Variants in PACS1 observed in about 807,000 individuals in gnomAD.
The protein encoded by PACS1 is PACS-1.
A neutral mutation model predicts 115.0 loss-of-function variants in PACS1; 24 were observed. That is an observed-to-expected ratio of 0.21 (90% CI 0.15 to 0.29). The LOEUF (loss-of-function observed/expected upper bound fraction) is 0.29, where lower values mean the gene tolerates loss of function less well. Ranked by LOEUF, PACS1 falls within the 10% of genes least tolerant of loss-of-function variation. The pLI, the probability that PACS1 is intolerant of heterozygous loss-of-function variation, is 1.00. For missense variants in PACS1, 838 were observed against 1,251.2 expected, an observed-to-expected ratio of 0.67 and a Z score of 4.98; for synonymous variants, 453 against 504.5, an observed-to-expected ratio of 0.90 and a Z score of 1.37.
intron 1 of PACS1, among the ~76,000 whole-genome samples, chr11:66,074,736 C>T (rs749008311): frequency 6.6e-6 from 1 of 151,940 alleles, no homozygotes; most frequent in African/African-American, 2.4e-5. Flanking sequence ...TGGACAAAAG[C>T]GTTGGAATCA....
intron 13 of PACS1, chr11:66,231,790 G>A (rs1855600524): frequency 8.9e-6 from 2 of 225,726 alleles, no homozygotes; most frequent in Non-Finnish European, 1.8e-5. Context: ...CACTGCCCTC[G>A]TTTCTGTTTC....
intron 1 of PACS1, among the ~76,000 whole-genome samples, chr11:66,162,407 C>G (rs1859511859): frequency 6.6e-6 from 1 of 152,164 alleles, no homozygotes; most frequent in Non-Finnish European, 1.5e-5. Flanking sequence ...CAGGCCTGAG[C>G]CACCGCGCCT....
intron 1 of PACS1, among the ~76,000 whole-genome samples, chr11:66,159,362 G>A (rs1217551171): frequency 2.6e-5 from 4 of 152,126 alleles, no homozygotes; most frequent in Admixed American, 1.3e-4. Context: ...ACTTGAACCC[G>A]GGAGACGGAG....
Position 66,232,831 on chromosome 11 carries a change from C to T in PACS1, c.1732-129C>T, listed in dbSNP as rs939564021. ...AGTCCGGAGACCTGGCTGCCTTTGCCCAGCTTCGGTCTGAACTGCAGAGGA... is the reference window on the plus strand; with the variant it reads ...AGTCCGGAGACCTGGCTGCCTTTGCTCAGCTTCGGTCTGAACTGCAGAGGA... On this transcript the variant is annotated intron_variant, in intron 14 of 23. Coordinates refer to ENST00000320580, the MANE Select transcript of PACS1 (RefSeq NM_018026.4). 7.0e-6 allele frequency: 5 copies of T among 713,050 alleles called. No homozygotes were observed. In the African/African-American group the frequency reaches 7.0e-5, roughly 10 times the overall value. 44.2% of individuals were successfully genotyped at this position (713,050 alleles called of 1,614,324 possible).
chr11:66,158,291 T>A (rs1450852290), intron 1 of PACS1, among the ~76,000 whole-genome samples: 1 of 152,210 alleles, frequency 6.6e-6, no homozygotes, highest in Non-Finnish European at 1.5e-5. Context: ...AACAAATTCC[T>A]TAGAGATAAG....
intron 2 of PACS1, among the ~76,000 whole-genome samples, chr11:66,194,230 C>G (rs1854597937): frequency 6.6e-6 from 1 of 152,276 alleles, no homozygotes; most frequent in East Asian, 1.9e-4. Context: ...TCCCAAAGTG[C>G]TGGGATTACA....
intron 1 of PACS1, among the ~76,000 whole-genome samples, chr11:66,188,084 A>T (rs1854426419): frequency 1.5e-5 from 2 of 133,934 alleles, no homozygotes; most frequent in Non-Finnish European, 1.6e-5. Context: ...TTTTTTTTTT[A>T]TATGTTCGTT....
intron 1 of PACS1, among the ~76,000 whole-genome samples, chr11:66,139,758 A>G (rs1858936125): frequency 6.6e-6 from 1 of 152,162 alleles, no homozygotes; most frequent in Non-Finnish European, 1.5e-5. Context: ...TCATCTGTTG[A>G]TAGACACTTG....
chr11:66,219,794 G>A lies in PACS1; in HGVS notation c.1027G>A (p.Val343Ile), dbSNP rs1156306565. ...KFVALLKRFK[V>I]SDEVGFGLEH... The stretch of plus-strand genomic sequence containing the variant: ...TGTGGCCCTCCTGAAGCGGTTTAAA[G>A]TTTCAGATGAGGTATGGCCTCTTAC... Residue 343 changes from valine (V) to isoleucine (I), a missense_variant, in exon 8 of 24, where the codon GTT (valine) becomes ATT (isoleucine). Around this residue, in one of 6 missense-constraint regions of PACS1, gnomAD observed 223 missense variants for 354.0 expected, o/e 0.63. Coordinates refer to ENST00000320580, the MANE Select transcript of PACS1 (RefSeq NM_018026.4). 1.1e-5 allele frequency: 17 copies of A among 1,612,612 alleles called. No individual in the cohort carries two copies. Among genetic ancestry groups the A allele is most frequent in the Non-Finnish European group, 1.4e-5 (16 of 1,178,826 alleles).
intron 1 of PACS1, among the ~76,000 whole-genome samples, chr11:66,103,425 A>C (rs1164192663): frequency 6.6e-6 from 1 of 151,798 alleles, no homozygotes; most frequent in Non-Finnish European, 1.5e-5. Flanking sequence ...CTAGAGTTAC[A>C]TGTGGGGTAA....
At chr11:66,204,024 C>G (rs1228298445) in intron 2 of PACS1, among the ~76,000 whole-genome samples, 1 of 152,084 alleles carries the variant, frequency 6.6e-6, no homozygotes, top group East Asian at 1.9e-4. Flanking sequence ...CTGGCACTGG[C>G]AACCAAAGCA....
At chr11:66,232,938 C>G in intron 14 of PACS1, 22 bp from the exon 15 acceptor site, 2 of 1,572,476 alleles carry the variant, frequency 1.3e-6, no homozygotes, top group Middle Eastern at 3.3e-4. Context: ...TGTGTCCCTG[C>G]TCTCCTCCCT....
intron 1 of PACS1, among the ~76,000 whole-genome samples, chr11:66,161,687 G>A (rs1301957313): frequency 6.6e-6 from 1 of 152,054 alleles, no homozygotes; most frequent in Non-Finnish European, 1.5e-5. Context: ...AATTTCATTG[G>A]GACAATGAAT....
chr11:66,214,484 T>TTTCCTTCC (rs1011564983), intron 4 of PACS1, among the ~76,000 whole-genome samples: 1 of 151,922 alleles, frequency 6.6e-6, no homozygotes, highest in East Asian at 1.9e-4. Context: ...CAACCATTTC[T>TTTCCTTCC]TTCCTTCCTT....
At chr11:66,076,007 G>A (rs1388093632) in intron 1 of PACS1, among the ~76,000 whole-genome samples, 2 of 152,134 alleles carry the variant, frequency 1.3e-5, no homozygotes, top group Non-Finnish European at 2.9e-5. Flanking sequence ...AAAGTGCTGG[G>A]ATTACAGACG....
intron 1 of PACS1, among the ~76,000 whole-genome samples, chr11:66,096,860 TCTCTC>T (rs1194218079): frequency 3.4e-5 from 5 of 148,494 alleles, no homozygotes; most frequent in African/African-American, 1.2e-4. Flanking sequence ...TCTCCCTCTC[TCTCTC>T]TTTTTTTTTT....
At chr11:66,172,138 A>G (rs1245393416) in intron 1 of PACS1, among the ~76,000 whole-genome samples, 2 of 152,120 alleles carry the variant, frequency 1.3e-5, no homozygotes, top group East Asian at 1.9e-4. Context: ...AAATTTCCCT[A>G]TATTTTTACA....
rs1214081358 is a variant in PACS1, at chr11:66,202,641, C to G, written c.445-7721C>G. 4.7e-5 allele frequency among the ~76,000 whole-genome samples: 7 copies of G among 148,826 alleles called. No individual in the cohort carries two copies. The East Asian group carries it at 1.2e-3, about 25-fold the overall frequency. ...TTGTGGCTCCCACCTGTAATCCCAG[C>G]ACTTTGGGAGGCCAAGGTAGATGGA... On this transcript the variant is annotated intron_variant, in intron 2 of 23. Transcript: ENST00000320580.
chr11:66,221,847 G>A (rs1855357900), intron 10 of PACS1, among the ~76,000 whole-genome samples: 1 of 152,132 alleles, frequency 6.6e-6, no homozygotes, highest in Admixed American at 6.5e-5. Context: ...TGGGCGTGGT[G>A]ACTCATGTCT....
Sources: gnomAD v4.1 joint callset for allele counts (sites outside exome capture counted in the v4.1 genomes callset) on GRCh38, gnomAD v4.1.1 for gene constraint, gnomAD v4.1.1 regional missense constraint, MANE v1.5 for transcripts, NCBI Gene and HGNC (gene_info 2026-07-23, HGNC 2026-07-21) for gene names.